SORCS3: variants seen among roughly 807,000 people sequenced by gnomAD.
The protein encoded by SORCS3 is sortilin related VPS10 domain containing receptor 3.
SORCS3 carries 57 observed loss-of-function variants against 146.3 expected under a neutral mutation model. The ratio of observed to expected loss-of-function variants is 0.39; its 90% CI spans 0.31 to 0.49. The LOEUF (loss-of-function observed/expected upper bound fraction) is 0.49, where lower values mean the gene tolerates loss of function less well. SORCS3 is among the 20% of genes least tolerant of loss of function. SORCS3 has a pLI of 0.92. For missense variants in SORCS3, 1,341 were observed against 1,575.5 expected, an observed-to-expected ratio of 0.85 and a Z score of 2.52; for synonymous variants, 653 against 618.5, an observed-to-expected ratio of 1.06 and a Z score of -0.83.
chr10:105,003,743 G>A (rs1349608227), intron 4 of SORCS3, among the ~76,000 whole-genome samples: 3 of 152,088 alleles, frequency 2.0e-5, no homozygotes, highest in African/African-American at 4.8e-5. Context: ...TCTGGACCTC[G>A]CTTTGATTTA....
intron 1 of SORCS3, among the ~76,000 whole-genome samples, chr10:104,650,487 A>C (rs150283767): frequency 4.7e-4 from 71 of 152,300 alleles, no homozygotes; most frequent in Non-Finnish European, 7.6e-4. Flanking sequence ...TCCTACAGAA[A>C]AAAGGGGAAT....
intron 1 of SORCS3, among the ~76,000 whole-genome samples, chr10:104,751,923 G>GAATATATATA (rs1564675362): frequency 2.1e-3 from 45 of 21,750 alleles, no homozygotes; most frequent in South Asian, 5.8e-3. Flanking sequence ...CTAATAGGAA[G>GAATATATATA]CATATATATA....
intron 4 of SORCS3, among the ~76,000 whole-genome samples, chr10:105,008,043 T>C (rs916098782): frequency 1.3e-5 from 2 of 152,196 alleles, no homozygotes; most frequent in East Asian, 3.9e-4. Context: ...ATTGCTGGCC[T>C]GGCATGATTC....
intron 26 of SORCS3, among the ~76,000 whole-genome samples, 164 bp from the exon 27 acceptor site, chr10:105,263,146 C>T (rs1050697555): frequency 1.3e-5 from 2 of 152,184 alleles, no homozygotes; most frequent in Non-Finnish European, 2.9e-5. Context: ...ACATGGATGA[C>T]ATAAGTCAGT....
intron 1 of SORCS3, among the ~76,000 whole-genome samples, chr10:104,702,980 G>T (rs1179434879): frequency 6.6e-6 from 1 of 152,176 alleles, no homozygotes; most frequent in East Asian, 1.9e-4. Flanking sequence ...ACAAAACAGG[G>T]AAAGGCCTAC....
At chr10:105,190,786 A>T (rs2056512593) in intron 14 of SORCS3, among the ~76,000 whole-genome samples, 1 of 152,212 alleles carries the variant, frequency 6.6e-6, no homozygotes, top group South Asian at 2.1e-4. Flanking sequence ...TCATGGGGAT[A>T]TAAAAGCATA....
chr10:104,689,207 C>T (rs2016084609), intron 1 of SORCS3, among the ~76,000 whole-genome samples: 1 of 152,226 alleles, frequency 6.6e-6, no homozygotes, highest in Non-Finnish European at 1.5e-5. Context: ...GTGCCCTTCA[C>T]ACCTCCAGGA....
chr10:104,974,514 C>A (rs1392556328), intron 3 of SORCS3, among the ~76,000 whole-genome samples: 1 of 152,128 alleles, frequency 6.6e-6, no homozygotes, highest in Non-Finnish European at 1.5e-5. Context: ...ACTAGGATTG[C>A]AACCCCTGCC....
intron 16 of SORCS3, among the ~76,000 whole-genome samples, chr10:105,202,043 A>G (rs1053320657): frequency 6.6e-6 from 1 of 152,090 alleles, no homozygotes; most frequent in Non-Finnish European, 1.5e-5. Context: ...CTCAAAACAC[A>G]TTCTAAGTCA....
chr10:104,741,018 A>G (rs1234674614), intron 1 of SORCS3, among the ~76,000 whole-genome samples: 1 of 151,854 alleles, frequency 6.6e-6, no homozygotes, highest in African/African-American at 2.4e-5. Context: ...CTAGAATGCA[A>G]TGGTCCTATC....
Position 104,977,510 on chromosome 10 carries a change from T to G in SORCS3, c.954+17T>G, listed in dbSNP as rs761294589. 5.1e-6 allele frequency: 8 copies of G among 1,578,784 alleles called. No individual in the cohort carries two copies. The African/African-American group carries it at 1.1e-4, about 21-fold the overall frequency. The stretch of plus-strand genomic sequence containing the variant: ...GATCAAAAGGTGAATAAATACTATT[T>G]TCATTTACTTCTTGTCATCCAGGTA... On this transcript the variant is annotated intron_variant, in intron 4 of 26. Coordinates refer to ENST00000369701, the MANE Select transcript of SORCS3 (RefSeq NM_014978.3).
intron 2 of SORCS3, among the ~76,000 whole-genome samples, chr10:104,891,659 A>C (rs1029521509): frequency 6.6e-6 from 1 of 151,966 alleles, no homozygotes; most frequent in Non-Finnish European, 1.5e-5. Flanking sequence ...TTAGTTCTTA[A>C]ATTGTTTCAT....
At chr10:104,672,083 C>T (rs1049292190) in intron 1 of SORCS3, among the ~76,000 whole-genome samples, 1 of 152,186 alleles carries the variant, frequency 6.6e-6, no homozygotes, top group Non-Finnish European at 1.5e-5. Flanking sequence ...GTAGAATTCA[C>T]TGGTGAAACC....
intron 20 of SORCS3, among the ~76,000 whole-genome samples, chr10:105,225,579 A>G (rs1011004139): frequency 1.3e-5 from 2 of 151,970 alleles, no homozygotes; most frequent in Non-Finnish European, 2.9e-5. Context: ...TTGCCTTGCC[A>G]TATATACTTT....
At chr10:104,691,095 C>T (rs957058282) in intron 1 of SORCS3, among the ~76,000 whole-genome samples, 1 of 152,218 alleles carries the variant, frequency 6.6e-6, no homozygotes, top group African/African-American at 2.4e-5. Context: ...TGTTGCCCTC[C>T]TGACATGCAA....
At position 104,751,673 on chromosome 10, in the gene SORCS3, C is replaced by G. The variant is rs377589867; in HGVS notation, c.628-91119C>G. Among the ~76,000 whole-genome samples, 5 of 152,032 alleles carry G rather than the reference C, an allele frequency of 3.3e-5. No individual in the cohort carries two copies. In the East Asian group the frequency reaches 7.8e-4, roughly 24 times the overall value. ...CAGCTGTGAAATGAGAGGCTAAAAT[C>G]AGGATCCCTTTCATTCATGACATTC... On this transcript the variant is annotated intron_variant, in intron 1 of 26. Coordinates refer to ENST00000369701, the MANE Select transcript of SORCS3 (RefSeq NM_014978.3).
chr10:104,816,959 G>A (rs759935094), intron 1 of SORCS3, among the ~76,000 whole-genome samples: 55 of 152,256 alleles, frequency 3.6e-4, no homozygotes, highest in Non-Finnish European at 6.3e-4. Context: ...CCTTCAGCCC[G>A]GGCACCCAAG....
chr10:105,021,890 A>G (rs1373231344), intron 4 of SORCS3, among the ~76,000 whole-genome samples: 1 of 152,234 alleles, frequency 6.6e-6, no homozygotes, highest in Non-Finnish European at 1.5e-5. Context: ...CAGTTCTTCC[A>G]TGGAAAGACC....
intron 1 of SORCS3, among the ~76,000 whole-genome samples, chr10:104,752,199 AT>A (rs1411494655): frequency 6.7e-6 from 1 of 149,716 alleles, no homozygotes; most frequent in African/African-American, 2.5e-5. Context: ...CATGCTGTCT[AT>A]TTTTTTTGTA....
Sources: gnomAD v4.1 joint callset for allele counts (sites outside exome capture counted in the v4.1 genomes callset) on GRCh38, gnomAD v4.1.1 for gene constraint, MANE v1.5 for transcripts, NCBI Gene and HGNC (gene_info 2026-07-23, HGNC 2026-07-21) for gene names.